The following NAV2 variants were observed in gnomAD, a reference collection of about 807,000 sequenced individuals.
NAV2 encodes helicase, APC down-regulated 1.
Under a neutral mutation model 223.2 loss-of-function variants are expected in NAV2, and 54 were observed. The observed-to-expected ratio is 0.24, with a 90% CI of 0.19 to 0.30. The LOEUF is 0.30. NAV2 is among the 10% of genes least tolerant of loss of function. The pLI is 1.00. For missense variants in NAV2, 2,806 were observed against 3,147.5 expected, an observed-to-expected ratio of 0.89 and a Z score of 2.60; for synonymous variants, 1,279 against 1,239.3, an observed-to-expected ratio of 1.03 and a Z score of -0.67.
At chr11:19,750,023 A>G (rs1039025392) in intron 1 of NAV2, among the ~76,000 whole-genome samples, 1 of 152,242 alleles carries the variant, frequency 6.6e-6, no homozygotes, top group African/African-American at 2.4e-5. Flanking sequence ...TAATGAGGAC[A>G]TTGGAAGCAC....
chr11:19,414,047 A>G (rs867751112), intron 1 of NAV2, among the ~76,000 whole-genome samples: 1 of 152,262 alleles, frequency 6.6e-6, no homozygotes, highest in Non-Finnish European at 1.5e-5. Context: ...TCATAATGAC[A>G]GGATCAAATT....
chr11:19,568,278 C>G (rs1170447795), intron 1 of NAV2, among the ~76,000 whole-genome samples: 1 of 152,202 alleles, frequency 6.6e-6, no homozygotes, highest in African/African-American at 2.4e-5. Flanking sequence ...TCTCTAGGCT[C>G]AGGCAAGGAT....
chr11:20,045,385 G>A lies in NAV2; in HGVS notation c.3617G>A (p.Gly1206Glu), dbSNP rs1177004148. The change falls in exon 14 of 38, where the codon GGG becomes GAG. Residue 1206 changes from glycine to glutamate, a missense_variant. By Grantham distance (98) the Gly-to-Glu change is moderately conservative (BLOSUM62 -2). Coordinates refer to ENST00000349880, the MANE Select transcript of NAV2 (RefSeq NM_145117.5). ...AAGTCCAACAGCCGGAACGGGGCTGGGAACAGGTCTAGCACCAGCAGCATA... is the reference window on the plus strand; with the variant it reads ...AAGTCCAACAGCCGGAACGGGGCTGAGAACAGGTCTAGCACCAGCAGCATA... Reference protein sequence around the residue: ...PSKSNSRNGAGNRSSTSSIDS... With the variant: ...PSKSNSRNGAENRSSTSSIDS... The A allele has an allele frequency of 2.5e-6, 4 of 1,614,152 alleles. No individual in the cohort carries two copies. The South Asian group carries it at 4.4e-5, about 18-fold the overall frequency.
At chr11:19,439,165 A>T (rs1362290629) in intron 1 of NAV2, among the ~76,000 whole-genome samples, 1 of 151,956 alleles carries the variant, frequency 6.6e-6, no homozygotes, top group African/African-American at 2.4e-5. Context: ...TGCTCCTTTC[A>T]CTCCTATGGC....
At chr11:20,078,416 T>C (rs995572997) in intron 24 of NAV2, among the ~76,000 whole-genome samples, 2 of 152,248 alleles carry the variant, frequency 1.3e-5, no homozygotes, top group Non-Finnish European at 2.9e-5. Context: ...CATGCTGATA[T>C]ATGGCATAAG....
intron 1 of NAV2, among the ~76,000 whole-genome samples, chr11:19,355,216 A>G (rs1853549825): frequency 6.6e-6 from 1 of 150,406 alleles, no homozygotes; most frequent in Admixed American, 6.6e-5. Context: ...GGTTTCCCAC[A>G]GCGGATGAAC....
chr11:19,903,087 G>C (rs1158658797), intron 6 of NAV2, among the ~76,000 whole-genome samples: 1 of 152,140 alleles, frequency 6.6e-6, no homozygotes, highest in Admixed American at 6.5e-5. Context: ...CGCAAATAAA[G>C]TGCTTGTTTC....
intron 1 of NAV2, among the ~76,000 whole-genome samples, chr11:19,538,531 T>C (rs962781479): frequency 2.6e-4 from 40 of 151,742 alleles, no homozygotes; most frequent in Middle Eastern, 3.4e-3. Context: ...TTTTTTTTTT[T>C]CTGCTAAGAT....
At chr11:19,992,371 G>A (rs979121835) in intron 11 of NAV2, among the ~76,000 whole-genome samples, 5 of 152,206 alleles carry the variant, frequency 3.3e-5, no homozygotes, top group African/African-American at 1.2e-4. Context: ...CTACCAGGGG[G>A]TTATAAAGAG....
At chr11:19,884,479 C>G (rs898241025) in intron 5 of NAV2, 2 of 811,790 alleles carry the variant, frequency 2.5e-6, no homozygotes, top group African/African-American at 1.7e-5. Flanking sequence ...GTTTGCAGTT[C>G]GAGAAAACTA....
intron 1 of NAV2, among the ~76,000 whole-genome samples, chr11:19,774,666 C>A (rs2056000322): frequency 6.6e-6 from 1 of 152,164 alleles, no homozygotes; most frequent in East Asian, 1.9e-4. Context: ...ATTCTCAACA[C>A]CCTCGGCAAA....
At chr11:19,646,618 G>A (rs1325382072) in intron 1 of NAV2, among the ~76,000 whole-genome samples, 1 of 152,170 alleles carries the variant, frequency 6.6e-6, no homozygotes, top group Non-Finnish European at 1.5e-5. Context: ...GCTTCCCAGG[G>A]TGTGGGGATG....
chr11:20,103,418 T>TG lies in NAV2; in HGVS notation c.6572+11dup, dbSNP rs1051076245. 1 of 1,612,008 alleles carries TG rather than the reference T, an allele frequency of 6.2e-7. No homozygotes were observed. The highest frequency in any genetic ancestry group is 8.5e-7 in the Non-Finnish European group (1 of 1,178,906). On this transcript the variant is annotated intron_variant, in intron 33 of 37. Coordinates refer to ENST00000349880, the MANE Select transcript of NAV2 (RefSeq NM_145117.5). The stretch of plus-strand genomic sequence containing the variant: ...TGCAAGTACCACAAATGGTAAAGGC[T>TG]GGTTCTGGACCTCATAGCCCCCCGG...
intron 1 of NAV2, among the ~76,000 whole-genome samples, chr11:19,556,110 G>A (rs936468054): frequency 6.6e-6 from 1 of 152,116 alleles, no homozygotes; most frequent in Non-Finnish European, 1.5e-5. Context: ...GGGTGTCAGC[G>A]ACTTGAAAAT....
chr11:19,367,954 A>G (rs1389169318), intron 1 of NAV2, among the ~76,000 whole-genome samples: 1 of 152,214 alleles, frequency 6.6e-6, no homozygotes, highest in Non-Finnish European at 1.5e-5. Context: ...CCATTAGGAC[A>G]CATAATCACA....
chr11:20,113,922 G>T (rs533997719), intron 36 of NAV2, among the ~76,000 whole-genome samples: 7 of 152,320 alleles, frequency 4.6e-5, no homozygotes, highest in African/African-American at 1.7e-4. Context: ...TGAGGCAGGA[G>T]CATCACTTGA....
At chr11:19,683,583 T>C (rs1759027886) in intron 1 of NAV2, among the ~76,000 whole-genome samples, 1 of 152,252 alleles carries the variant, frequency 6.6e-6, no homozygotes. Context: ...CTGGATGTTC[T>C]CTTGGAGCAC....
At chr11:20,096,969 G>A (rs1257993772) in intron 30 of NAV2, among the ~76,000 whole-genome samples, 2 of 152,200 alleles carry the variant, frequency 1.3e-5, no homozygotes, top group Non-Finnish European at 2.9e-5. Context: ...TGCAAAGCCT[G>A]TTACTGGGAT....
intron 1 of NAV2, among the ~76,000 whole-genome samples, chr11:19,658,872 C>T (rs928208764): frequency 2.6e-5 from 4 of 152,150 alleles, no homozygotes; most frequent in Admixed American, 1.3e-4. Flanking sequence ...CATTTAGAAT[C>T]AAGGGTGCTC....
Sources: gnomAD v4.1 joint callset for allele counts (sites outside exome capture counted in the v4.1 genomes callset) on GRCh38, gnomAD v4.1.1 for gene constraint, MANE v1.5 for transcripts, NCBI Gene and HGNC (gene_info 2026-07-23, HGNC 2026-07-21) for gene names.